NEXMIF: variants seen among roughly 807,000 people sequenced by gnomAD.
NEXMIF encodes XLMR protein related to neurite extension.
Under a neutral mutation model 62.1 loss-of-function variants are expected in NEXMIF, and 8 were observed. The observed-to-expected ratio is 0.13, with a 90% CI of 0.08 to 0.23. NEXMIF has a LOEUF of 0.23. Ranked by LOEUF, NEXMIF falls within the 10% of genes least tolerant of loss-of-function variation. The probability of loss-of-function intolerance (pLI) is 1.00; values close to 1 mark genes in which losing one functional copy is unlikely to be tolerated. For synonymous variants in NEXMIF, 404 were observed against 416.6 expected (o/e 0.97, Z 0.37); for missense variants, 976 against 1,113.3 (o/e 0.88, Z 1.75).
chrX:74,841,766 T>C (rs1244614775), intron 1 of NEXMIF, among the ~76,000 whole-genome samples: 1 of 112,447 alleles, frequency 8.9e-6, no homozygotes, highest in African/African-American at 3.2e-5. Context: ...GTTCTGTTTA[T>C]GTGATGAATC....
chrX:74,815,049 T>C (rs1413865235), intron 1 of NEXMIF, among the ~76,000 whole-genome samples: 1 of 112,508 alleles, frequency 8.9e-6, no homozygotes, highest in Non-Finnish European at 1.9e-5. Context: ...TTACCCTTAA[T>C]ACATATTCTT....
chrX:74,860,046 T>C (rs977148408), intron 1 of NEXMIF, among the ~76,000 whole-genome samples: 1 of 111,205 alleles, frequency 9.0e-6, no homozygotes, highest in Non-Finnish European at 1.9e-5. Context: ...TTATTGATAA[T>C]AACATTGACT....
At chrX:74,808,075 T>G (rs1331442775) in intron 1 of NEXMIF, among the ~76,000 whole-genome samples, 1 of 111,730 alleles carries the variant, frequency 9.0e-6, no homozygotes, top group African/African-American at 3.3e-5. Flanking sequence ...TTAATTGTAT[T>G]TCAAATGTTG....
intron 1 of NEXMIF, among the ~76,000 whole-genome samples, chrX:74,764,004 G>A (rs1271008014): frequency 9.0e-6 from 1 of 111,405 alleles, no homozygotes; most frequent in African/African-American, 3.3e-5. Flanking sequence ...CTAACACTAT[G>A]TTGAATAGGA....
chrX:74,917,561 T>C (rs1235105044), intron 1 of NEXMIF, among the ~76,000 whole-genome samples: 1 of 111,700 alleles, frequency 9.0e-6, no homozygotes. Context: ...TGATGTTAGA[T>C]ATCCAGGATG....
At chrX:74,781,660 T>C (rs1371985092) in intron 1 of NEXMIF, among the ~76,000 whole-genome samples, 1 of 105,684 alleles carries the variant, frequency 9.5e-6, no homozygotes, top group Non-Finnish European at 2.0e-5. Flanking sequence ...AGATTTTCCC[T>C]CTTACCAGGG....
At chrX:74,844,294 C>A (rs2080484253) in intron 1 of NEXMIF, among the ~76,000 whole-genome samples, 1 of 111,196 alleles carries the variant, frequency 9.0e-6, no homozygotes, top group Non-Finnish European at 1.9e-5. Flanking sequence ...TGCAGGAGTT[C>A]TCTGTATTTC....
chrX:74,749,258 C>T (rs2080134570), intron 1 of NEXMIF, among the ~76,000 whole-genome samples: 1 of 111,071 alleles, frequency 9.0e-6, no homozygotes, highest in Non-Finnish European at 1.9e-5. Context: ...GATGACCTTT[C>T]TGGAGGTGAG....
chrX:74,811,284 T>C (rs1160822060), intron 1 of NEXMIF, among the ~76,000 whole-genome samples: 1 of 111,921 alleles, frequency 8.9e-6, no homozygotes, highest in African/African-American at 3.3e-5. Flanking sequence ...AGGCTTACAT[T>C]GTCTACCTTC....
intron 1 of NEXMIF, among the ~76,000 whole-genome samples, chrX:74,789,095 T>A (rs1296000642): frequency 9.5e-6 from 1 of 105,391 alleles, no homozygotes; most frequent in African/African-American, 3.5e-5. Flanking sequence ...TCATCTAGCA[T>A]TAGGTATATC....
In NEXMIF at chrX:74,736,370, G is replaced by GT. The variant is rs1253407505; in HGVS notation, c.*3034_*3035insA. 2 of 110,595 alleles carry GT rather than the reference G, an allele frequency of 1.8e-5. No individual in the cohort carries two copies. The highest frequency in any genetic ancestry group is 6.6e-5 in the African/African-American group (2 of 30,478). 9.1% of individuals were successfully genotyped at this position (110,595 alleles called of 1,213,427 possible). On this transcript the variant is annotated 3_prime_UTR_variant, in exon 4 of 4. Transcript: ENST00000055682. ...AAGACCAAGGTCTGAGATTAAGTAAGAAGAATAAGGGAGGTTACCATTTCC... is the reference window on the plus strand; with the variant it reads ...AAGACCAAGGTCTGAGATTAAGTAAGTAAGAATAAGGGAGGTTACCATTTCC...
At chrX:74,801,602 T>C (rs1198565734) in intron 1 of NEXMIF, among the ~76,000 whole-genome samples, 1 of 111,909 alleles carries the variant, frequency 8.9e-6, no homozygotes. Flanking sequence ...TCTCTGAGAC[T>C]TGCTGGCTTC....
chrX:74,872,675 G>C (rs1376005967), intron 1 of NEXMIF, among the ~76,000 whole-genome samples: 1 of 109,477 alleles, frequency 9.1e-6, no homozygotes, highest in East Asian at 2.9e-4. Flanking sequence ...AACTAAAACA[G>C]TATAATTAAA....
At chrX:74,891,761 G>A (rs182505711) in intron 1 of NEXMIF, among the ~76,000 whole-genome samples, 1 of 112,168 alleles carries the variant, frequency 8.9e-6, no homozygotes, top group African/African-American at 3.2e-5. Flanking sequence ...TGGCCAAGGA[G>A]AAATTATTGC....
At chrX:74,815,216 A>G (rs1188904472) in intron 1 of NEXMIF, among the ~76,000 whole-genome samples, 1 of 112,046 alleles carries the variant, frequency 8.9e-6, no homozygotes, top group East Asian at 2.8e-4. Flanking sequence ...TAATTGAAAT[A>G]AATCCTTTCA....
chrX:74,759,685 A>G (rs1462899453), intron 1 of NEXMIF, among the ~76,000 whole-genome samples: 1 of 111,691 alleles, frequency 9.0e-6, no homozygotes, highest in Non-Finnish European at 1.9e-5. Context: ...TGTGTTGAAG[A>G]TTAGATGGCT....
chrX:74,892,559 T>C (rs2080721173), intron 1 of NEXMIF, among the ~76,000 whole-genome samples: 3 of 112,269 alleles, frequency 2.7e-5, no homozygotes, highest in African/African-American at 9.7e-5. Context: ...TAGATACATA[T>C]ATACTTATTA....
Position 74,887,087 on chromosome X carries a change from G to T in NEXMIF, c.-48+37796C>A, listed in dbSNP as rs1309942357. Among the ~76,000 whole-genome samples the T allele has an allele frequency of 5.3e-5, 6 of 112,421 alleles. No homozygotes were observed. The East Asian group carries it at 1.7e-3, about 31-fold the overall frequency. On this transcript the variant is annotated intron_variant, in intron 1 of 3. Transcript: ENST00000055682. ...TTTAATAAATGGTGCTGGAAAAACT[G>T]GCTAGCCAGATGTAGAAAGCTGAAA...
At chrX:74,864,768 G>C (rs1000536539) in intron 1 of NEXMIF, among the ~76,000 whole-genome samples, 1 of 110,499 alleles carries the variant, frequency 9.0e-6, no homozygotes, top group Non-Finnish European at 1.9e-5. Context: ...GAGTGCAGTG[G>C]TATGATCTTG....
Sources: gnomAD v4.1 joint callset for allele counts (sites outside exome capture counted in the v4.1 genomes callset) on GRCh38, gnomAD v4.1.1 for gene constraint, MANE v1.5 for transcripts, NCBI Gene and HGNC (gene_info 2026-07-23, HGNC 2026-07-21) for gene names.